The following GIPC2 variants were observed in gnomAD, a reference collection of about 807,000 sequenced individuals.
The protein encoded by GIPC2 is GIPC PDZ domain containing family member 2.
A neutral mutation model predicts 30.6 loss-of-function variants in GIPC2; 30 were observed. That is an observed-to-expected ratio of 0.98 (90% CI 0.73 to 1.33). The LOEUF (loss-of-function observed/expected upper bound fraction) is 1.33, where lower values mean the gene tolerates loss of function less well. Among genes scored for constraint, GIPC2 ranks in the 40% most tolerant of loss-of-function variants. The pLI, the probability that GIPC2 is intolerant of heterozygous loss-of-function variation, is 0.00. For synonymous variants in GIPC2, 167 were observed against 150.0 expected, an observed-to-expected ratio of 1.11 and a Z score of -0.83; for missense variants, 414 against 390.3, an observed-to-expected ratio of 1.06 and a Z score of -0.51.
intron 1 of GIPC2, among the ~76,000 whole-genome samples, chr1:78,055,179 T>C (rs1456919477): frequency 1.3e-5 from 2 of 152,114 alleles, no homozygotes; most frequent in Non-Finnish European, 2.9e-5. Flanking sequence ...TGCATCCTCA[T>C]GTAACAGAAG....
chr1:78,046,035 G>C lies in GIPC2; in HGVS notation c.-60G>C, dbSNP rs951025966. 3 of 1,398,734 alleles carry C rather than the reference G, an allele frequency of 2.1e-6. No individual in the cohort carries two copies. Among genetic ancestry groups the C allele is most frequent in the Non-Finnish European group, 2.8e-6 (3 of 1,078,828 alleles). 86.6% of individuals were successfully genotyped at this position (1,398,734 alleles called of 1,614,324 possible). On this transcript the variant is annotated 5_prime_UTR_variant, in exon 1 of 6. Coordinates refer to ENST00000370759, the MANE Select transcript of GIPC2 (RefSeq NM_017655.6). ...GGGCCCGGGGCGCAAAGTCCGAGGC[G>C]CCGGGGGGAGGAGGCGGCGGACGGC...
At position 78,091,962 on chromosome 1, in the gene GIPC2, T is replaced by G. The variant is rs529800451; in HGVS notation, c.427-2990T>G. The stretch of plus-strand genomic sequence containing the variant: ...GTTCTTGGTCATTTTTGCTTCTTCT[T>G]CGTTTTGAAGAACTTCAACCCCACA... On this transcript the variant is annotated intron_variant, in intron 2 of 5. Coordinates refer to ENST00000370759, the MANE Select transcript of GIPC2 (RefSeq NM_017655.6). The G allele has an allele frequency of 1.1e-4, 126 of 1,157,682 alleles. No homozygotes were observed. In the African/African-American group the frequency reaches 1.7e-3, roughly 15 times the overall value. The allele number at this position is 1,157,682 out of a possible 1,614,324, so 71.7% of individuals were successfully genotyped here. A position where few individuals can be genotyped will look rare whatever the true frequency, so the allele number is the denominator to read the frequency against.
chr1:78,075,827 G>C (rs1036208847), intron 1 of GIPC2, among the ~76,000 whole-genome samples: 2 of 152,186 alleles, frequency 1.3e-5, no homozygotes, highest in African/African-American at 4.8e-5. Flanking sequence ...TTCCTCCAAA[G>C]TGCTTGCAAT....
At chr1:78,057,501 T>C (rs11799343) in intron 1 of GIPC2, among the ~76,000 whole-genome samples, 3,353 of 152,320 alleles carry the variant, frequency 0.022, 117 homozygotes, top group African/African-American at 0.076. Context: ...TGGTGGAATT[T>C]TAATTTTTCA....
In GIPC2 at chr1:78,076,104, A is replaced by T. The variant is rs536878035; in HGVS notation, c.241-4571A>T. Among the ~76,000 whole-genome samples, 5 of 152,320 alleles carry T rather than the reference A, an allele frequency of 3.3e-5. No homozygotes were observed. The East Asian group carries it at 9.7e-4, about 29-fold the overall frequency. On this transcript the variant is annotated intron_variant, in intron 1 of 5. Transcript: ENST00000370759. ...GGATTCTTTCCCCAAACCCCCAATA[A>T]GTTCATTCTTGGATTTTCTTGGCCT...
intron 1 of GIPC2, among the ~76,000 whole-genome samples, chr1:78,054,246 T>A (rs978025990): frequency 2.0e-5 from 3 of 152,218 alleles, no homozygotes; most frequent in African/African-American, 7.2e-5. Context: ...CACATAAGAT[T>A]GAATTTAGTT....
chr1:78,068,757 G>A (rs989666596), intron 1 of GIPC2, among the ~76,000 whole-genome samples: 9 of 152,172 alleles, frequency 5.9e-5, no homozygotes, highest in African/African-American at 2.2e-4. Flanking sequence ...AATAAGGAAG[G>A]TTTTGCATTA....
intron 3 of GIPC2, among the ~76,000 whole-genome samples, chr1:78,106,457 G>A (rs994893201): frequency 1.3e-5 from 2 of 151,880 alleles, no homozygotes; most frequent in African/African-American, 2.4e-5. Context: ...CTACTTGGAA[G>A]GATGAGGCAG....
chr1:78,071,831 G>A (rs1661625613), intron 1 of GIPC2, among the ~76,000 whole-genome samples: 1 of 152,158 alleles, frequency 6.6e-6, no homozygotes, highest in Admixed American at 6.5e-5. Context: ...TTCGCTAGCT[G>A]TGTGACCCTA....
intron 3 of GIPC2, among the ~76,000 whole-genome samples, chr1:78,115,381 C>T (rs953203978): frequency 2.6e-5 from 4 of 152,110 alleles, no homozygotes; most frequent in African/African-American, 9.7e-5. Flanking sequence ...GGCAGACAAA[C>T]CATACCAAGT....
chr1:78,058,314 T>G (rs1174376495), intron 1 of GIPC2, among the ~76,000 whole-genome samples: 3 of 152,188 alleles, frequency 2.0e-5, no homozygotes, highest in African/African-American at 7.2e-5. Flanking sequence ...TGGCACATAG[T>G]AGGTATTTTT....
chr1:78,049,977 A>G (rs145996112), intron 1 of GIPC2, among the ~76,000 whole-genome samples: 1,805 of 139,612 alleles, frequency 0.013, 36 homozygotes, highest in African/African-American at 0.046. Context: ...GCTCACTGCA[A>G]CCTCCGCCTT....
chr1:78,094,886 A>G (rs1662107381), intron 2 of GIPC2, 66 bp from the exon 3 acceptor site: 1 of 1,125,754 alleles, frequency 8.9e-7, no homozygotes, highest in Non-Finnish European at 1.3e-6. Flanking sequence ...TTCCAAGATC[A>G]GATGAGATTG....
chr1:78,110,503 T>TC (rs1557546122), intron 3 of GIPC2, among the ~76,000 whole-genome samples: 1 of 152,234 alleles, frequency 6.6e-6, no homozygotes, highest in East Asian at 1.9e-4. Flanking sequence ...GAGAGAATTG[T>TC]CCTTAATGCC....
intron 1 of GIPC2, among the ~76,000 whole-genome samples, chr1:78,050,138 C>T (rs539778381): frequency 4.0e-5 from 6 of 151,642 alleles, no homozygotes; most frequent in Admixed American, 2.6e-4. Flanking sequence ...TCAGGTGATC[C>T]GCCCACCTCG....
At chr1:78,083,317 T>G (rs1661867236) in intron 2 of GIPC2, among the ~76,000 whole-genome samples, 1 of 152,224 alleles carries the variant, frequency 6.6e-6, no homozygotes, top group African/African-American at 2.4e-5. Flanking sequence ...AAATAGATTG[T>G]GCATTTTTGG....
intron 2 of GIPC2, among the ~76,000 whole-genome samples, chr1:78,092,330 G>A (rs1258524988): frequency 1.3e-5 from 2 of 152,080 alleles, no homozygotes; most frequent in Admixed American, 6.6e-5. Context: ...GATCTGAAAT[G>A]GTTGGAAACC....
chr1:78,093,634 A>G (rs1303653971), intron 2 of GIPC2, among the ~76,000 whole-genome samples: 1 of 152,178 alleles, frequency 6.6e-6, no homozygotes, highest in Non-Finnish European at 1.5e-5. Flanking sequence ...GAGGTAGTTG[A>G]GATCAGTTTT....
intron 1 of GIPC2, among the ~76,000 whole-genome samples, chr1:78,080,229 G>A (rs1661798289): frequency 6.6e-6 from 1 of 151,986 alleles, no homozygotes; most frequent in South Asian, 2.1e-4. Flanking sequence ...TATAACCTTT[G>A]ATTTCAGCAT....
Sources: gnomAD v4.1 joint callset for allele counts (sites outside exome capture counted in the v4.1 genomes callset) on GRCh38, gnomAD v4.1.1 for gene constraint, MANE v1.5 for transcripts, NCBI Gene and HGNC (gene_info 2026-07-23, HGNC 2026-07-21) for gene names.